Variants in NRAP observed in about 807,000 individuals in gnomAD.
The protein encoded by NRAP is nebulin related anchoring protein.
In NRAP, 189 loss-of-function variants were observed where a neutral mutation model predicts 225.9. The ratio of observed to expected loss-of-function variants is 0.84; its 90% confidence interval spans 0.74 to 0.94. NRAP has a LOEUF of 0.94. NRAP is among the 40% of genes least tolerant of loss of function. NRAP has a pLI of 0.00. For missense variants in NRAP, 2,176 were observed against 2,168.7 expected, an observed-to-expected ratio of 1.00 and a Z score of -0.07; for synonymous variants, 769 against 790.7, an observed-to-expected ratio of 0.97 and a Z score of 0.46.
chr10:113,623,775 A>G, intron 22 of NRAP, 139 bp from the exon 23 acceptor site: 1 of 634,716 alleles, frequency 1.6e-6, no homozygotes, highest in Non-Finnish European at 2.8e-6. Flanking sequence ...CACAGAAATC[A>G]TGTAGTCTGA....
intron 13 of NRAP, among the ~76,000 whole-genome samples, chr10:113,640,571 T>C (rs959034170): frequency 2.0e-5 from 3 of 152,230 alleles, no homozygotes; most frequent in African/African-American, 4.8e-5. Context: ...ATATTAATTA[T>C]GAAGCTGCTT....
chr10:113,646,000 A>C (rs1465903776), intron 10 of NRAP, 59 bp from the exon 11 acceptor site: 7 of 862,308 alleles, frequency 8.1e-6, no homozygotes, highest in Non-Finnish European at 1.3e-5. Context: ...TGGGAGGGGA[A>C]TTACTCCAAA....
Position 113,642,938 on chromosome 10 carries a change from CTGGTAAATTT to C in NRAP, c.1201_1210del (p.Lys401ValfsTer13). 2.6e-6 allele frequency: 4 copies of C among 1,568,194 alleles called. No homozygotes were observed. Among genetic ancestry groups the C allele is most frequent in the Non-Finnish European group, 3.5e-6 (4 of 1,137,924 alleles). On this transcript the variant is annotated frameshift_variant, in exon 12 of 42. Coordinates refer to ENST00000359988, the MANE Select transcript of NRAP (RefSeq NM_198060.4). LOFTEE classifies it high-confidence loss of function. The stretch of plus-strand genomic sequence containing the variant: ...AGCTTAGCGTTAACAACTCACATCA[CTGGTAAATTT>C]TGAGATCTTGCTCACGTTCCTGAAT...
In NRAP at chr10:113,650,504, G is replaced by T; in HGVS notation, c.717C>A (p.Gly239=). ...TEDYEQQRGK[G]SFPAMITPAY... The stretch of plus-strand genomic sequence containing the variant: ...CGGGTGTGATCATCGCAGGGAAACT[G>T]CCTTTCCCTCTTTGTTGTTCATAGT... The change falls in exon 8 of 42, where the codon GGC becomes GGA. Residue 239 remains glycine, a synonymous_variant. Transcript: ENST00000359988. 1 of 1,613,700 alleles carries T rather than the reference G, an allele frequency of 6.2e-7. No homozygotes were observed. The highest frequency in any genetic ancestry group is 8.5e-7 in the Non-Finnish European group (1 of 1,179,674).
Position 113,595,916 on chromosome 10 carries a change from T to G in NRAP, c.4432-189A>C, listed in dbSNP as rs547747773. Among the ~76,000 whole-genome samples the G allele has an allele frequency of 1.4e-3, 208 of 152,294 alleles. 1 individual carries two copies. The highest frequency in any genetic ancestry group is 4.8e-3 in the African/African-American group (199 of 41,568). On this transcript the variant is annotated intron_variant, in intron 37 of 41. Coordinates refer to ENST00000359988, the MANE Select transcript of NRAP (RefSeq NM_198060.4). Reference sequence around the variant, plus strand: ...ATGGAAGATGCCTTTATAGCCAGGGTCAGATGGGGCAGCTGGTTTTAAATA... The same window carrying G: ...ATGGAAGATGCCTTTATAGCCAGGGGCAGATGGGGCAGCTGGTTTTAAATA...
rs770722199 is a variant in NRAP at position 113,622,001 on chromosome 10, G to T, written c.2637C>A (p.His879Gln). The T allele has an allele frequency of 1.9e-6, 3 of 1,614,098 alleles. No homozygotes were observed. Among genetic ancestry groups the T allele is most frequent in the Non-Finnish European group, 2.5e-6 (3 of 1,180,034 alleles). The change falls in exon 24 of 42, where the codon CAC becomes CAA. Residue 879 changes from histidine (H) to glutamine (Q), a missense_variant. This residue lies in a region of NRAP where 1,708 missense variants were observed against 1,695.5 expected (regional missense o/e 1.01). Transcript: ENST00000359988. ...SQCHVSLDMVHLVHARKAQHL... is the reference protein window; with the variant it reads ...SQCHVSLDMVQLVHARKAQHL... Reference sequence around the variant, plus strand: ...GCTGAGCTTTGCGGGCATGCACGAGGTGGACCATGTCCAGGGAGACGTGGC... The same window carrying T: ...GCTGAGCTTTGCGGGCATGCACGAGTTGGACCATGTCCAGGGAGACGTGGC...
intron 41 of NRAP, 123 bp downstream of exon 41, chr10:113,589,543 G>T: frequency 8.3e-7 from 1 of 1,204,096 alleles, no homozygotes; most frequent in Non-Finnish European, 1.2e-6. Context: ...TGTTTGAGCT[G>T]CGTTTCACAC....
Position 113,612,439 on chromosome 10 carries a change from G to A in NRAP, c.3301-8C>T, listed in dbSNP as rs1308035180. On this transcript the variant is annotated splice_region_variant and splice_polypyrimidine_tract_variant and intron_variant, in intron 29 of 41. Coordinates refer to ENST00000359988, the MANE Select transcript of NRAP (RefSeq NM_198060.4). The stretch of plus-strand genomic sequence containing the variant: ...GCCTTTCTTGTAATTCACCTAGAGG[G>A]GCAGACAGAGCAACAGCAGCTATTT... 1.2e-6 allele frequency: 2 copies of A among 1,611,908 alleles called. No homozygotes were observed. The highest frequency in any genetic ancestry group is 3.3e-5 in the Admixed American group (2 of 60,010).
intron 4 of NRAP, among the ~76,000 whole-genome samples, chr10:113,654,373 A>T (rs769428872): frequency 6.6e-6 from 1 of 152,200 alleles, no homozygotes; most frequent in Non-Finnish European, 1.5e-5. Flanking sequence ...CTTGCACACC[A>T]TTGCATCAAG....
intron 39 of NRAP, 146 bp from the exon 40 acceptor site, chr10:113,591,035 G>T: frequency 1.5e-6 from 1 of 647,070 alleles, no homozygotes; most frequent in South Asian, 1.9e-5. Flanking sequence ...AGACCTATCT[G>T]TGTGGTCATG....
intron 21 of NRAP, among the ~76,000 whole-genome samples, chr10:113,625,844 G>A (rs1388912934): frequency 6.6e-6 from 1 of 152,218 alleles, no homozygotes; most frequent in South Asian, 2.1e-4. Context: ...AAAATCGGGG[G>A]AGATGGTGGT....
Position 113,590,949 on chromosome 10 carries a change from A to G in NRAP, c.4645-60T>C. On this transcript the variant is annotated intron_variant, in intron 39 of 41. Transcript: ENST00000359988. ...GCCTACCTCCCCCAGGACCAGCCTCACATATGGGGCCATCCCAGGGCATTC... is the reference window on the plus strand; with the variant it reads ...GCCTACCTCCCCCAGGACCAGCCTCGCATATGGGGCCATCCCAGGGCATTC... 5.4e-6 allele frequency: 8 copies of G among 1,475,718 alleles called. No individual in the cohort carries two copies. The South Asian group carries it at 9.6e-5, about 18-fold the overall frequency. The allele number at this position is 1,475,718 out of a possible 1,614,324, so 91.4% of individuals were successfully genotyped here.
intron 3 of NRAP, among the ~76,000 whole-genome samples, chr10:113,660,848 A>G (rs577276936): frequency 5.6e-4 from 85 of 152,340 alleles, no homozygotes; most frequent in East Asian, 2.5e-3. Flanking sequence ...CCACTAATAA[A>G]TATCCTAAAG....
Position 113,604,828 on chromosome 10 carries a change from G to A in NRAP, c.4008C>T (p.Arg1336=). The A allele has an allele frequency of 6.2e-7, 1 of 1,614,202 alleles. No homozygotes were observed. The highest frequency in any genetic ancestry group is 8.5e-7 in the Non-Finnish European group (1 of 1,180,038). The change falls in exon 35 of 42, where the codon CGC becomes CGT. Residue 1336 remains arginine, a synonymous_variant. Coordinates refer to ENST00000359988, the MANE Select transcript of NRAP (RefSeq NM_198060.4). ...RDDPRIQHCR[R]MGQLQSELQY... is the part of the protein sequence containing the mutation. ...GAAGCTCGCTCTGCAGCTGGCCCAT[G>A]CGCCGGCAGTGCTGGATCCGGGGGT...
intron 25 of NRAP, among the ~76,000 whole-genome samples, chr10:113,618,869 C>A (rs964827626): frequency 2.0e-5 from 3 of 152,154 alleles, no homozygotes; most frequent in Non-Finnish European, 4.4e-5. Context: ...TCGCTTGAAC[C>A]CAGGAGGCGG....
chr10:113,657,613 A>C, intron 3 of NRAP, 39 bp from the exon 4 acceptor site: 1 of 1,180,572 alleles, frequency 8.5e-7, no homozygotes. Context: ...TTTCCATCAG[A>C]AAAGAGAAAA....
At position 113,650,063 on chromosome 10, in the gene NRAP, T is replaced by G. The variant is rs747517301; in HGVS notation, c.862A>C (p.Arg288=). The G allele has an allele frequency of 8.1e-6, 13 of 1,608,606 alleles. No homozygotes were observed. In the South Asian group the frequency reaches 1.4e-4, roughly 18 times the overall value. The change falls in exon 9 of 42, where the codon AGG becomes CGG. Residue 288 remains arginine (R), a synonymous_variant. Coordinates refer to ENST00000359988, the MANE Select transcript of NRAP (RefSeq NM_198060.4). ...TGGCCATATTGGTCTGCACATTCCC[T>G]TGTCAAGATGCCCTCAGCTCCAATG... ...PAIGAEGILT[R]ECADQYGQGY... is the part of the protein sequence containing the mutation.
In NRAP at chr10:113,595,618, C is replaced by T. The variant is rs1353345860; in HGVS notation, c.4536+5G>A. 1.3e-6 allele frequency: 2 copies of T among 1,585,756 alleles called. No individual in the cohort carries two copies. The highest frequency in any genetic ancestry group is 3.3e-5 in the Admixed American group (2 of 59,982). On this transcript the variant is annotated splice_donor_5th_base_variant and intron_variant, in intron 38 of 41. Transcript: ENST00000359988. Reference sequence around the variant, plus strand: ...ACACGTTCCATGAACCACCAGTTCACTTACGTCACTCAGATGCAGCGCATT... The same window carrying T: ...ACACGTTCCATGAACCACCAGTTCATTTACGTCACTCAGATGCAGCGCATT...
intron 3 of NRAP, among the ~76,000 whole-genome samples, chr10:113,661,162 T>A (rs890906802): frequency 3.2e-4 from 49 of 152,110 alleles, no homozygotes; most frequent in African/African-American, 1.2e-3. Context: ...GACTTGTGAA[T>A]CCCTAGGAAG....
Sources: gnomAD v4.1 joint callset for allele counts (sites outside exome capture counted in the v4.1 genomes callset) on GRCh38, gnomAD v4.1.1 for gene constraint, gnomAD v4.1.1 regional missense constraint, MANE v1.5 for transcripts, NCBI Gene and HGNC (gene_info 2026-07-23, HGNC 2026-07-21) for gene names.